RYR1: variants seen among roughly 807,000 people sequenced by gnomAD.
RYR1 encodes the protein central core disease of muscle.
RYR1 carries 342 observed loss-of-function variants against 583.5 expected under a neutral mutation model. That is an observed-to-expected ratio of 0.59 (90% CI 0.54 to 0.64). The LOEUF (loss-of-function observed/expected upper bound fraction) is 0.64, where lower values mean the gene tolerates loss of function less well. Ranked by LOEUF, RYR1 falls within the 30% of genes least tolerant of loss-of-function variation. The pLI is 0.00. For synonymous variants in RYR1, 2,791 were observed against 2,822.5 expected (o/e 0.99, Z 0.35); for missense variants, 6,032 against 6,917.2 (o/e 0.87, Z 4.54).
chr19:38,475,557 G>C (rs529683746), intron 29 of RYR1, 107 bp downstream of exon 29: 3 of 1,373,542 alleles, frequency 2.2e-6, no homozygotes, highest in Non-Finnish European at 3.1e-6. Context: ...CCTTACACTG[G>C]GGACTCCCCA....
intron 1 of RYR1, among the ~76,000 whole-genome samples, chr19:38,439,929 A>G (rs1308034275): frequency 6.6e-6 from 1 of 152,228 alleles, no homozygotes; most frequent in Non-Finnish European, 1.5e-5. Context: ...AACAACACGC[A>G]AAAGAGAGAA....
At chr19:38,562,460 T>C (rs1240294557) in intron 90 of RYR1, among the ~76,000 whole-genome samples, 1 of 152,090 alleles carries the variant, frequency 6.6e-6, no homozygotes, top group African/African-American at 2.4e-5. Context: ...GTTCCTCAGA[T>C]GCCGCCAGGT....
At chr19:38,529,597 A>G (rs945584818) in intron 76 of RYR1, among the ~76,000 whole-genome samples, 1 of 152,208 alleles carries the variant, frequency 6.6e-6, no homozygotes, top group African/African-American at 2.4e-5. Context: ...ATCACAGACA[A>G]TGTAGATTAA....
intron 23 of RYR1, among the ~76,000 whole-genome samples, chr19:38,465,050 G>C (rs891203788): frequency 1.3e-5 from 2 of 152,122 alleles, no homozygotes; most frequent in African/African-American, 2.4e-5. Flanking sequence ...AGAATCTGGA[G>C]GTCGTTGGAG....
At chr19:38,502,767 G>GCAGGGA in intron 48 of RYR1, 40 bp downstream of exon 48, 2 of 846,564 alleles carry the variant, frequency 2.4e-6, no homozygotes, top group South Asian at 1.7e-5. Context: ...AGGGGCAGGG[G>GCAGGGA]CAGGGGCAGG....
chr19:38,490,388 C>A, intron 36 of RYR1, 112 bp downstream of exon 36: 2 of 1,062,840 alleles, frequency 1.9e-6, no homozygotes, highest in Non-Finnish European at 2.8e-6. Context: ...TGACCCCTGA[C>A]CCTAGTGATA....
chr19:38,546,980 A>G (rs1972458877), intron 88 of RYR1, among the ~76,000 whole-genome samples: 1 of 150,550 alleles, frequency 6.6e-6, no homozygotes. Context: ...AACAAACCAA[A>G]TGTCCAAATG....
chr19:38,564,696 G>A (rs1297901714), intron 90 of RYR1, among the ~76,000 whole-genome samples: 1 of 152,032 alleles, frequency 6.6e-6, no homozygotes, highest in Non-Finnish European at 1.5e-5. Flanking sequence ...TGCATTTTTA[G>A]TAGAGACGGG....
rs752199191 is a variant in RYR1, at chr19:38,517,520, C to A, written c.9847C>A (p.Arg3283=). The stretch of plus-strand genomic sequence containing the variant: ...GCCCATGCTATGCAGCTACCTGCCC[C>A]GATGGTGGGAGCGCGGGCCCGAGGC... The part of the protein sequence containing the change: ...TLPMLCSYLP[R]WWERGPEAPP... Residue 3283 remains arginine (R), a synonymous_variant, in exon 66 of 106, where the codon CGA becomes AGA. Transcript: ENST00000359596. The A allele has an allele frequency of 6.2e-7, 1 of 1,613,924 alleles. No individual in the cohort carries two copies. The highest frequency in any genetic ancestry group is 8.5e-7 in the Non-Finnish European group (1 of 1,179,996).
In RYR1 at chr19:38,446,770, T is replaced by C; in HGVS notation, c.800+2T>C. On this transcript the variant is annotated splice_donor_variant, in intron 9 of 105. Transcript: ENST00000359596. LOFTEE classifies it high-confidence loss of function. ...GAGGCTGGAGCCACTGAGAATCAGG[T>C]AGGGCGGGGAAGATGGGGAGAGACC... The C allele has an allele frequency of 6.2e-7, 1 of 1,612,248 alleles. No individual in the cohort carries two copies. Among genetic ancestry groups the C allele is most frequent in the Non-Finnish European group, 8.5e-7 (1 of 1,179,318 alleles).
intron 67 of RYR1, among the ~76,000 whole-genome samples, chr19:38,520,059 A>C (rs1322062955): frequency 6.7e-6 from 1 of 148,198 alleles, no homozygotes; most frequent in Non-Finnish European, 1.5e-5. Flanking sequence ...CAACACCGTA[A>C]GGAATAGTTT....
At chr19:38,505,665 A>T in intron 53 of RYR1, 141 bp from the exon 54 acceptor site, 1 of 1,070,030 alleles carries the variant, frequency 9.3e-7, no homozygotes, top group Non-Finnish European at 1.4e-6. Context: ...AGGCTCTGTT[A>T]CAGAGCAGGT....
chr19:38,508,358 G>A (rs797018169), intron 58 of RYR1, among the ~76,000 whole-genome samples: 3 of 152,016 alleles, frequency 2.0e-5, no homozygotes, highest in African/African-American at 7.2e-5. Flanking sequence ...CACAGGCACG[G>A]GCGCCGCCAC....
rs1192218827 is a variant in RYR1, at chr19:38,565,622, G to T, written c.13288G>T (p.Gly4430Trp). The T allele has an allele frequency of 5.7e-6, 8 of 1,411,372 alleles. No individual in the cohort carries two copies. The Admixed American group carries it at 1.9e-4, about 34-fold the overall frequency. The allele number at this position is 1,411,372 out of a possible 1,614,324, so 87.4% of individuals were successfully genotyped here. A position where few individuals can be genotyped will look rare whatever the true frequency, so the allele number is the denominator to read the frequency against. ...CGAGGAGGAGGCGGTGCACGAGGCC[G>T]GGCCGGGCGGTGCCGACGGGGCGGT... The part of the protein sequence containing the change: ...GDEEEAVHEA[G>W]PGGADGAVAV... The change falls in exon 91 of 106, where the codon GGG (glycine) becomes TGG (tryptophan). Residue 4430 changes from glycine (G) to tryptophan (W), a missense_variant. Coordinates refer to ENST00000359596, the MANE Select transcript of RYR1 (RefSeq NM_000540.3). This position sits in a 1 kb window ranked among gnomAD's most constrained non-coding sequence, Gnocchi z 4.7.
Position 38,500,090 on chromosome 19 carries a change from CG to C in RYR1, c.7323+76del. The C allele has an allele frequency of 7.6e-7, 1 of 1,312,326 alleles. No individual in the cohort carries two copies. The highest frequency in any genetic ancestry group is 1.1e-6 in the Non-Finnish European group (1 of 917,354). The allele number at this position is 1,312,326 out of a possible 1,614,324, so 81.3% of individuals were successfully genotyped here. On this transcript the variant is annotated intron_variant, in intron 45 of 105. Transcript: ENST00000359596. This position sits in a 1 kb window ranked among gnomAD's most constrained non-coding sequence, Gnocchi z 5.9. ...GCTTTGAACGCCTCATGCAGGCACTCGGTGACACGGAGTGAGCTCCCATATG... is the reference window on the plus strand; with the variant it reads ...GCTTTGAACGCCTCATGCAGGCACTCGTGACACGGAGTGAGCTCCCATATG...
chr19:38,495,425 A>C (rs1446938675), intron 39 of RYR1, among the ~76,000 whole-genome samples: 5 of 152,092 alleles, frequency 3.3e-5, no homozygotes, highest in Admixed American at 1.3e-4. Flanking sequence ...AGCTCACTGC[A>C]GCCTCAACTT....
chr19:38,473,383 C>T lies in RYR1; in HGVS notation c.3772C>T (p.Arg1258Ter), dbSNP rs1276512455. 6.2e-7 allele frequency: 1 copy of T among 1,613,768 alleles called. No homozygotes were observed. Among genetic ancestry groups the T allele is most frequent in the Non-Finnish European group, 8.5e-7 (1 of 1,179,958 alleles). Residue 1258 changes from arginine (R) to a stop codon, truncating the protein, a stop_gained, in exon 28 of 106, where the codon CGA becomes TGA. Coordinates refer to ENST00000359596, the MANE Select transcript of RYR1 (RefSeq NM_000540.3). LOFTEE classifies it high-confidence loss of function. ...PLEHPHYEVS[R>*]VDGTVDTPPC... ...CCATTCCCTGCCACCTCAGGTATCCCGAGTGGACGGCACTGTGGACACGCC... is the reference window on the plus strand; with the variant it reads ...CCATTCCCTGCCACCTCAGGTATCCTGAGTGGACGGCACTGTGGACACGCC...
At chr19:38,576,886 T>G (rs1426950917) in intron 97 of RYR1, among the ~76,000 whole-genome samples, 1 of 152,052 alleles carries the variant, frequency 6.6e-6, no homozygotes, top group Non-Finnish European at 1.5e-5. Flanking sequence ...TGCCTGCTTT[T>G]CTTTTGTTTT....
rs1365636119 is a variant in RYR1, at chr19:38,565,357, G to A, written c.13023G>A (p.Thr4341=). Residue 4341 remains threonine (T), a synonymous_variant, in exon 91 of 106, where the codon ACG becomes ACA. Transcript: ENST00000359596. This position sits in a 1 kb window ranked among gnomAD's most constrained non-coding sequence, Gnocchi z 4.7. ...CGGCGCTGCTCTGGGCAGCAGTGAC[G>A]CGCGCTGGGGCCGCTGGCGCGGGGG... ...AVAALLWAAV[T]RAGAAGAGAA... The A allele has an allele frequency of 1.5e-6, 2 of 1,304,294 alleles. No homozygotes were observed. The highest frequency in any genetic ancestry group is 1.9e-6 in the Non-Finnish European group (2 of 1,036,186). 80.8% of individuals were successfully genotyped at this position (1,304,294 alleles called of 1,614,324 possible).
Sources: allele counts gnomAD v4.1 joint callset (sites outside exome capture counted in the v4.1 genomes callset), GRCh38; gene constraint gnomAD v4.1.1; non-coding constraint Gnocchi (gnomAD v3.1); transcripts MANE v1.5; gene names NCBI Gene and HGNC (gene_info 2026-07-23, HGNC 2026-07-21).